THRB: variants seen among roughly 807,000 people sequenced by gnomAD.
THRB encodes thyroid hormone receptor beta.
THRB carries 12 observed loss-of-function variants against 47.8 expected under a neutral mutation model. The ratio of observed to expected loss-of-function variants is 0.25; its 90% CI spans 0.16 to 0.41. The LOEUF (loss-of-function observed/expected upper bound fraction) is 0.41. Ranked by LOEUF, THRB falls within the 10% of genes least tolerant of loss-of-function variation. THRB has a pLI of 1.00. For synonymous variants in THRB, 218 were observed against 212.2 expected (o/e 1.03, Z -0.24); for missense variants, 348 against 589.2 (o/e 0.59, Z 4.24).
At chr3:24,342,937 T>C (rs1002636773) in intron 1 of THRB, among the ~76,000 whole-genome samples, 1 of 151,862 alleles carries the variant, frequency 6.6e-6, no homozygotes, top group African/African-American at 2.4e-5. Flanking sequence ...GAAACAGAGG[T>C]AGAGAATGGG....
intron 1 of THRB, among the ~76,000 whole-genome samples, chr3:24,454,571 A>C (rs533389883): frequency 2.6e-4 from 39 of 152,354 alleles, no homozygotes; most frequent in African/African-American, 7.7e-4. Context: ...ACTACACTTT[A>C]AAATGGACCT....
chr3:24,228,891 G>A, intron 4 of THRB, 47 bp downstream of exon 4: 1 of 1,564,128 alleles, frequency 6.4e-7, no homozygotes, highest in East Asian at 2.2e-5. Flanking sequence ...ACTCTAGGTG[G>A]AACAAAAATG....
At chr3:24,198,030 C>T (rs1162251836) in intron 4 of THRB, among the ~76,000 whole-genome samples, 2 of 152,156 alleles carry the variant, frequency 1.3e-5, no homozygotes, top group African/African-American at 4.8e-5. Flanking sequence ...GTGAGCTGGT[C>T]ACCAGAGGGC....
intron 3 of THRB, among the ~76,000 whole-genome samples, chr3:24,266,053 A>T (rs1322723550): frequency 2.0e-4 from 31 of 152,230 alleles, no homozygotes; most frequent in Admixed American, 2.0e-3. Context: ...TGGCATTGAA[A>T]TTTTAATCTT....
intron 2 of THRB, among the ~76,000 whole-genome samples, chr3:24,321,163 C>T (rs772278458): frequency 1.3e-5 from 2 of 152,042 alleles, no homozygotes; most frequent in African/African-American, 2.4e-5. Context: ...AGTTTTACAC[C>T]CCCAGTCTCC....
chr3:24,420,822 A>G (rs1199329686), intron 1 of THRB, among the ~76,000 whole-genome samples: 1 of 151,928 alleles, frequency 6.6e-6, no homozygotes, highest in Non-Finnish European at 1.5e-5. Context: ...CAGAAATACC[A>G]CTCAACTCAG....
chr3:24,440,841 G>T (rs2071454941), intron 1 of THRB, among the ~76,000 whole-genome samples: 1 of 152,158 alleles, frequency 6.6e-6, no homozygotes, highest in Non-Finnish European at 1.5e-5. Flanking sequence ...GAGACTAAAT[G>T]ACTAAATTAG....
intron 2 of THRB, among the ~76,000 whole-genome samples, chr3:24,327,432 T>A (rs2061667162): frequency 6.6e-6 from 1 of 152,206 alleles, no homozygotes; most frequent in African/African-American, 2.4e-5. Context: ...GATATTCCAA[T>A]CAGATCCTAA....
chr3:24,304,128 A>C (rs1037665704), intron 2 of THRB, among the ~76,000 whole-genome samples: 4 of 152,130 alleles, frequency 2.6e-5, no homozygotes, highest in African/African-American at 9.7e-5. Context: ...AAACTTTTGG[A>C]AGTGATCAAG....
intron 1 of THRB, among the ~76,000 whole-genome samples, chr3:24,462,025 A>G (rs1467389738): frequency 6.6e-6 from 1 of 152,220 alleles, no homozygotes. Context: ...CTGTACAATG[A>G]TGAGCACAGA....
At chr3:24,305,271 T>G (rs183325101) in intron 2 of THRB, among the ~76,000 whole-genome samples, 68 of 152,300 alleles carry the variant, frequency 4.5e-4, no homozygotes, top group African/African-American at 1.5e-3. Flanking sequence ...TCAGAAACTC[T>G]GGGGTTGGGC....
intron 1 of THRB, among the ~76,000 whole-genome samples, chr3:24,390,329 C>G (rs1234131227): frequency 1.3e-5 from 2 of 152,142 alleles, no homozygotes; most frequent in Non-Finnish European, 2.9e-5. Flanking sequence ...TCGAACACTC[C>G]TATGCTTGCT....
At chr3:24,276,020 A>G (rs1330094822) in intron 3 of THRB, among the ~76,000 whole-genome samples, 2 of 151,988 alleles carry the variant, frequency 1.3e-5, no homozygotes, top group African/African-American at 4.8e-5. Context: ...GAAGTGTGGG[A>G]AATCTCCCTG....
intron 1 of THRB, among the ~76,000 whole-genome samples, chr3:24,424,950 C>T (rs755594459): frequency 2.6e-5 from 4 of 151,834 alleles, no homozygotes; most frequent in Admixed American, 2.6e-4. Context: ...TTACATGCTA[C>T]TATTTAATAT....
intron 1 of THRB, among the ~76,000 whole-genome samples, chr3:24,355,970 T>C (rs923865630): frequency 1.3e-5 from 2 of 152,144 alleles, no homozygotes; most frequent in African/African-American, 4.8e-5. Context: ...CTAAATATCA[T>C]CTAAATCAGA....
chr3:24,369,534 G>A (rs988459606), intron 1 of THRB, among the ~76,000 whole-genome samples: 2 of 151,834 alleles, frequency 1.3e-5, no homozygotes, highest in African/African-American at 4.8e-5. Context: ...AACTTAAATT[G>A]TAAGACGGCA....
chr3:24,283,014 A>G (rs1158809679), intron 3 of THRB, among the ~76,000 whole-genome samples: 10 of 151,566 alleles, frequency 6.6e-5, no homozygotes, highest in African/African-American at 2.2e-4. Context: ...ACAAGGAGGA[A>G]CTGGTACCAT....
intron 3 of THRB, among the ~76,000 whole-genome samples, chr3:24,266,167 C>A: frequency 6.6e-6 from 1 of 152,124 alleles, no homozygotes; most frequent in Non-Finnish European, 1.5e-5. Flanking sequence ...GAAGTTAGAT[C>A]ATAGAGTCTC....
chr3:24,154,608 A>G (rs1371623343), intron 5 of THRB, among the ~76,000 whole-genome samples: 12 of 152,232 alleles, frequency 7.9e-5, no homozygotes, highest in Admixed American at 7.2e-4. Context: ...TGACACAGTC[A>G]CAAGTGTTGG....
Sources: gnomAD v4.1 joint callset for allele counts (sites outside exome capture counted in the v4.1 genomes callset) on GRCh38, gnomAD v4.1.1 for gene constraint, MANE v1.5 for transcripts, NCBI Gene and HGNC (gene_info 2026-07-23, HGNC 2026-07-21) for gene names.